PRKAR2B: variants seen among roughly 807,000 people sequenced by gnomAD.
The protein encoded by PRKAR2B is protein kinase cAMP-dependent type II regulatory subunit beta.
Under a neutral mutation model 49.9 loss-of-function variants are expected in PRKAR2B, and 14 were observed. The ratio of observed to expected loss-of-function variants is 0.28; its 90% CI spans 0.19 to 0.44. The LOEUF (loss-of-function observed/expected upper bound fraction) is 0.44, where lower values mean the gene tolerates loss of function less well. Ranked by LOEUF, PRKAR2B falls within the 20% of genes least tolerant of loss-of-function variation. The pLI, the probability that PRKAR2B is intolerant of heterozygous loss-of-function variation, is 1.00. For missense variants in PRKAR2B, 393 were observed against 537.9 expected, an observed-to-expected ratio of 0.73 and a Z score of 2.67; for synonymous variants, 196 against 197.7, an observed-to-expected ratio of 0.99 and a Z score of 0.07.
Position 107,146,361 on chromosome 7 carries a change from A to G in PRKAR2B, c.641A>G (p.Asn214Ser). The change falls in exon 6 of 11, where the codon AAC becomes AGC. Residue 214 changes from asparagine to serine, a missense_variant. Asn to Ser is a conservative substitution (Grantham distance 46). Transcript: ENST00000265717. ...GATGGTGTTGGAAGATGTGTTGGTA[A>G]CTATGATAATCGTGGGAGTTTCGGC... ...KCDGVGRCVG[N>S]YDNRGSFGEL... 6.2e-7 allele frequency: 1 copy of G among 1,614,220 alleles called. No homozygotes were observed. The highest frequency in any genetic ancestry group is 8.5e-7 in the Non-Finnish European group (1 of 1,180,028).
chr7:107,106,812 A>T (rs1343941957), intron 2 of PRKAR2B, among the ~76,000 whole-genome samples: 1 of 151,998 alleles, frequency 6.6e-6, no homozygotes, highest in African/African-American at 2.4e-5. Flanking sequence ...GGGGGCTCCC[A>T]GGGGAGAGAG....
intron 1 of PRKAR2B, among the ~76,000 whole-genome samples, chr7:107,047,957 C>A (rs1793730750): frequency 6.6e-6 from 1 of 152,200 alleles, no homozygotes; most frequent in Non-Finnish European, 1.5e-5. Context: ...ATACTATATT[C>A]TTCTTAACAT....
intron 8 of PRKAR2B, among the ~76,000 whole-genome samples, chr7:107,154,982 A>T: frequency 6.6e-6 from 1 of 152,298 alleles, no homozygotes; most frequent in Non-Finnish European, 1.5e-5. Context: ...CTCCATCTGG[A>T]TGCTTTCTGC....
intron 2 of PRKAR2B, among the ~76,000 whole-genome samples, chr7:107,078,530 T>A (rs2116784978): frequency 6.6e-6 from 1 of 152,326 alleles, no homozygotes; most frequent in South Asian, 2.1e-4. Flanking sequence ...ACCTGTTATC[T>A]CTCAGTGCCC....
chr7:107,105,832 G>A lies in PRKAR2B; in HGVS notation c.344-16120G>A, dbSNP rs544688197. 6.3e-4 allele frequency among the ~76,000 whole-genome samples: 96 copies of A among 152,252 alleles called. 1 individual carries two copies. The highest frequency in any genetic ancestry group is 5.7e-3 in the Admixed American group (87 of 15,298). ...GACACTGATCTTGCAACACTTCCTC[G>A]AGATGGATAACCCTGAGGCAGAAGA... On this transcript the variant is annotated intron_variant, in intron 2 of 10. Coordinates refer to ENST00000265717, the MANE Select transcript of PRKAR2B (RefSeq NM_002736.3).
intron 2 of PRKAR2B, among the ~76,000 whole-genome samples, chr7:107,092,362 T>C (rs1251084920): frequency 6.6e-6 from 1 of 151,900 alleles, no homozygotes; most frequent in Non-Finnish European, 1.5e-5. Flanking sequence ...AGTTTCAAAA[T>C]AGGTCTTTAT....
chr7:107,126,608 C>A (rs1214188961), intron 3 of PRKAR2B, among the ~76,000 whole-genome samples: 1 of 152,068 alleles, frequency 6.6e-6, no homozygotes, highest in Admixed American at 6.6e-5. Flanking sequence ...CCTCTCCCCC[C>A]TTTCCTTTCT....
intron 2 of PRKAR2B, among the ~76,000 whole-genome samples, chr7:107,116,328 A>G (rs1198126514): frequency 6.6e-6 from 1 of 152,148 alleles, no homozygotes; most frequent in Non-Finnish European, 1.5e-5. Context: ...CCTCTGAGCT[A>G]CCGGTTGCTC....
At chr7:107,146,160 T>G in intron 5 of PRKAR2B, 148 bp from the exon 6 acceptor site, 2 of 779,744 alleles carry the variant, frequency 2.6e-6, no homozygotes, top group Non-Finnish European at 4.0e-6. Context: ...CTGGAACAGA[T>G]GGCACAGATT....
At chr7:107,079,139 C>G (rs910729663) in intron 2 of PRKAR2B, among the ~76,000 whole-genome samples, 1 of 152,148 alleles carries the variant, frequency 6.6e-6, no homozygotes, top group Non-Finnish European at 1.5e-5. Flanking sequence ...TGTAGTGCAA[C>G]CATTCTTTAA....
Position 107,121,990 on chromosome 7 carries a change from G to A in PRKAR2B, c.382G>A (p.Asp128Asn). 6.3e-7 allele frequency: 1 copy of A among 1,597,246 alleles called. No individual in the cohort carries two copies. Among genetic ancestry groups the A allele is most frequent in the Non-Finnish European group, 8.6e-7 (1 of 1,168,080 alleles). ...EAYNPDEEED[D>N]AESRIIHPKT... ...TTATAATCCTGATGAAGAAGAAGAT[G>A]ATGCAGAGTCCAGGGTATGTAATTT... is the stretch of plus-strand genomic sequence containing the variant. The change falls in exon 3 of 11, where the codon GAT becomes AAT. Residue 128 changes from aspartate (D) to asparagine (N), a missense_variant. Asp to Asn is a conservative substitution (Grantham distance 23, BLOSUM62 1). Coordinates refer to ENST00000265717, the MANE Select transcript of PRKAR2B (RefSeq NM_002736.3).
intron 4 of PRKAR2B, among the ~76,000 whole-genome samples, chr7:107,131,997 G>C (rs1379129497): frequency 6.6e-6 from 1 of 152,154 alleles, no homozygotes; most frequent in Non-Finnish European, 1.5e-5. Flanking sequence ...TGTCCTTTTG[G>C]AATTTATAGT....
At chr7:107,126,111 A>G in intron 3 of PRKAR2B, among the ~76,000 whole-genome samples, 1 of 132,590 alleles carries the variant, frequency 7.5e-6, no homozygotes, top group Admixed American at 7.5e-5. Flanking sequence ...AAAAAAAAAG[A>G]GGCCAGGCGC....
intron 4 of PRKAR2B, among the ~76,000 whole-genome samples, chr7:107,140,361 G>T (rs1377301455): frequency 3.9e-5 from 6 of 152,142 alleles, no homozygotes; most frequent in African/African-American, 1.2e-4. Flanking sequence ...TTTTTGTTCT[G>T]TTTTGATTTT....
In PRKAR2B at chr7:107,044,923, C is replaced by A; in HGVS notation, c.16C>A (p.Pro6Thr). The change falls in exon 1 of 11, where the codon CCG becomes ACG. Residue 6 changes from proline (P) to threonine (T), a missense_variant. Pro to Thr is a conservative substitution (Grantham distance 38). Transcript: ENST00000265717. MSIEI[P>T]AGLTELLQGF... is the part of the protein sequence containing the mutation. ...CGGAGGCAGGATGAGCATCGAGATC[C>A]CGGCGGGACTGACGGAGCTGCTGCA... 1 of 1,598,184 alleles carries A rather than the reference C, an allele frequency of 6.3e-7. No homozygotes were observed.
intron 3 of PRKAR2B, among the ~76,000 whole-genome samples, chr7:107,125,087 C>T (rs1014332083): frequency 9.2e-5 from 14 of 151,560 alleles, no homozygotes; most frequent in African/African-American, 3.4e-4. Flanking sequence ...GATTTTTTTT[C>T]CCCCAGTCAT....
intron 1 of PRKAR2B, among the ~76,000 whole-genome samples, chr7:107,054,352 A>G (rs1198909672): frequency 6.6e-6 from 1 of 152,104 alleles, no homozygotes. Context: ...AAAACAAAAC[A>G]AAACAACAAA....
intron 8 of PRKAR2B, 147 bp from the exon 9 acceptor site, chr7:107,156,837 C>T (rs943739510): frequency 1.0e-5 from 7 of 693,490 alleles, no homozygotes; most frequent in East Asian, 2.6e-5. Context: ...ATTTAGAAAC[C>T]GAGACAGCTT....
At chr7:107,103,903 G>A (rs1016972997) in intron 2 of PRKAR2B, among the ~76,000 whole-genome samples, 5 of 152,200 alleles carry the variant, frequency 3.3e-5, no homozygotes, top group Non-Finnish European at 7.3e-5. Flanking sequence ...AGCAGGTTCT[G>A]TCTCAATTTA....
Sources: allele counts gnomAD v4.1 joint callset (sites outside exome capture counted in the v4.1 genomes callset), GRCh38; gene constraint gnomAD v4.1.1; transcripts MANE v1.5; gene names NCBI Gene and HGNC (gene_info 2026-07-23, HGNC 2026-07-21).